MACROD2: variants seen among roughly 807,000 people sequenced by gnomAD.
MACROD2 encodes mono-ADP ribosylhydrolase 2, also known as ADP-ribose glycohydrolase MACROD2.
Under a neutral mutation model 70.4 loss-of-function variants are expected in MACROD2, and 36 were observed. That is an observed-to-expected ratio of 0.51 (90% CI 0.39 to 0.68). The LOEUF is 0.68. MACROD2 is among the 30% of genes least tolerant of loss of function. MACROD2 has a pLI of 0.00. For synonymous variants in MACROD2, 172 were observed against 178.8 expected, an observed-to-expected ratio of 0.96 and a Z score of 0.30; for missense variants, 496 against 538.4, an observed-to-expected ratio of 0.92 and a Z score of 0.78.
intron 5 of MACROD2, among the ~76,000 whole-genome samples, chr20:15,085,455 GC>G: frequency 6.6e-6 from 1 of 152,106 alleles, no homozygotes; most frequent in African/African-American, 2.4e-5. Flanking sequence ...TGAAGAGCTG[GC>G]CCACAGAAGG....
chr20:14,363,674 A>G (rs1460830884), intron 3 of MACROD2, among the ~76,000 whole-genome samples: 1 of 86,294 alleles, frequency 1.2e-5, no homozygotes, highest in Admixed American at 1.0e-4. Context: ...CAAAAAAATT[A>G]GCCGGGCGCG....
chr20:15,075,654 C>A (rs1392556975), intron 5 of MACROD2, among the ~76,000 whole-genome samples: 1 of 152,160 alleles, frequency 6.6e-6, no homozygotes, highest in Non-Finnish European at 1.5e-5. Context: ...TGACTGCCTT[C>A]ATTTTCCCAG....
intron 7 of MACROD2, among the ~76,000 whole-genome samples, chr20:15,487,461 G>A (rs988673319): frequency 6.6e-6 from 1 of 152,114 alleles, no homozygotes; most frequent in Non-Finnish European, 1.5e-5. Flanking sequence ...TCACAAAATT[G>A]TATCCAATTA....
chr20:15,093,567 A>G (rs2075807776), intron 5 of MACROD2, among the ~76,000 whole-genome samples: 1 of 152,166 alleles, frequency 6.6e-6, no homozygotes, highest in South Asian at 2.1e-4. Context: ...TGATGGATTA[A>G]TAAATATGTT....
chr20:14,971,220 A>G (rs1483029829), intron 5 of MACROD2, among the ~76,000 whole-genome samples: 5 of 152,228 alleles, frequency 3.3e-5, no homozygotes, highest in African/African-American at 1.2e-4. Flanking sequence ...ATACATGTTC[A>G]GTACAGACAG....
At chr20:14,461,379 C>T (rs1468275812) in intron 3 of MACROD2, among the ~76,000 whole-genome samples, 2 of 151,978 alleles carry the variant, frequency 1.3e-5, no homozygotes, top group Non-Finnish European at 2.9e-5. Flanking sequence ...AAAACCAGCT[C>T]CTGGATTCAC....
At chr20:14,184,400 G>T (rs1001315335) in intron 3 of MACROD2, among the ~76,000 whole-genome samples, 4 of 151,912 alleles carry the variant, frequency 2.6e-5, no homozygotes, top group African/African-American at 9.7e-5. Flanking sequence ...CTGTTTTTGT[G>T]CCAGTACCAT....
intron 8 of MACROD2, among the ~76,000 whole-genome samples, chr20:15,746,158 A>C (rs139107139): frequency 6.6e-6 from 1 of 152,218 alleles, no homozygotes; most frequent in African/African-American, 2.4e-5. Flanking sequence ...CGAACAATGT[A>C]TATAATTCAT....
intron 8 of MACROD2, among the ~76,000 whole-genome samples, chr20:15,584,630 A>G (rs2048571305): frequency 6.6e-6 from 1 of 152,222 alleles, no homozygotes; most frequent in African/African-American, 2.4e-5. Context: ...CCACTAATGA[A>G]CAGCGTCACA....
chr20:15,278,913 T>C (rs2077417447), intron 6 of MACROD2, among the ~76,000 whole-genome samples: 1 of 152,254 alleles, frequency 6.6e-6, no homozygotes, highest in Non-Finnish European at 1.5e-5. Context: ...CACAGTGTTT[T>C]GTAAACTTTT....
At chr20:14,191,714 G>C (rs376044566) in intron 3 of MACROD2, among the ~76,000 whole-genome samples, 89 of 152,350 alleles carry the variant, frequency 5.8e-4, no homozygotes, top group African/African-American at 2.0e-3. Flanking sequence ...TGAAGGAAGA[G>C]TATTCCAGGC....
chr20:15,975,645 T>C (rs2066295389), intron 13 of MACROD2, among the ~76,000 whole-genome samples: 1 of 152,212 alleles, frequency 6.6e-6, no homozygotes, highest in African/African-American at 2.4e-5. Flanking sequence ...TACATATTTT[T>C]GCATATGTCT....
At chr20:15,593,488 C>A (rs1045529581) in intron 8 of MACROD2, among the ~76,000 whole-genome samples, 1 of 152,178 alleles carries the variant, frequency 6.6e-6, no homozygotes, top group African/African-American at 2.4e-5. Context: ...ACCCTCATAA[C>A]AAAGGCAGAC....
intron 4 of MACROD2, among the ~76,000 whole-genome samples, chr20:14,534,336 A>T (rs1244819630): frequency 6.6e-6 from 1 of 152,176 alleles, no homozygotes; most frequent in Non-Finnish European, 1.5e-5. Flanking sequence ...TCTTTGACTC[A>T]AGTTTTGTTT....
intron 10 of MACROD2, among the ~76,000 whole-genome samples, chr20:15,926,929 A>G (rs957587079): frequency 3.9e-5 from 6 of 152,212 alleles, no homozygotes; most frequent in African/African-American, 1.4e-4. Context: ...TAGGCTGAGA[A>G]GAGGTGTTGA....
intron 8 of MACROD2, among the ~76,000 whole-genome samples, chr20:15,647,781 G>A (rs2049572089): frequency 6.6e-6 from 1 of 150,622 alleles, no homozygotes; most frequent in Non-Finnish European, 1.5e-5. Flanking sequence ...GTGCAGTGGT[G>A]CAATCTTGGC....
chr20:14,540,290 G>A (rs1047520180), intron 4 of MACROD2, among the ~76,000 whole-genome samples: 2 of 152,086 alleles, frequency 1.3e-5, no homozygotes, highest in African/African-American at 4.8e-5. Context: ...TACCACATGA[G>A]CAATTAATAT....
intron 10 of MACROD2, among the ~76,000 whole-genome samples, chr20:15,896,398 A>G (rs903665058): frequency 2.6e-5 from 4 of 152,210 alleles, no homozygotes; most frequent in African/African-American, 7.2e-5. Context: ...TATAGTCATA[A>G]TAACTGTATT....
At chr20:15,194,594 C>T (rs576032515) in intron 5 of MACROD2, among the ~76,000 whole-genome samples, 6 of 152,028 alleles carry the variant, frequency 3.9e-5, no homozygotes, top group African/African-American at 1.4e-4. Flanking sequence ...TTATTAACTC[C>T]TGAATTATTT....
Sources: gnomAD v4.1 joint callset for allele counts (sites outside exome capture counted in the v4.1 genomes callset) on GRCh38, gnomAD v4.1.1 for gene constraint, MANE v1.5 for transcripts, NCBI Gene and HGNC (gene_info 2026-07-23, HGNC 2026-07-21) for gene names.